Variants in ERBB4 observed in about 807,000 individuals in gnomAD.
ERBB4 encodes receptor tyrosine-protein kinase erbB-4.
A neutral mutation model predicts 158.0 loss-of-function variants in ERBB4; 42 were observed. The ratio of observed to expected loss-of-function variants is 0.27; its 90% confidence interval spans 0.21 to 0.34. The LOEUF is 0.34. Among genes scored for constraint, ERBB4 ranks in the 10% least tolerant of loss-of-function variants. The probability of loss-of-function intolerance (pLI) is 1.00; values close to 1 mark genes in which losing one functional copy is unlikely to be tolerated. For missense variants in ERBB4, 1,333 were observed against 1,624.1 expected (o/e 0.82, Z 3.08); for synonymous variants, 583 against 558.7 (o/e 1.04, Z -0.61).
intron 1 of ERBB4, among the ~76,000 whole-genome samples, chr2:212,280,617 T>C (rs747797451): frequency 3.3e-5 from 5 of 151,718 alleles, no homozygotes; most frequent in Non-Finnish European, 7.4e-5. Flanking sequence ...GTTGCTGTTG[T>C]TGTTGTTTTC....
At chr2:211,434,370 T>C (rs974253545) in intron 20 of ERBB4, among the ~76,000 whole-genome samples, 2 of 152,272 alleles carry the variant, frequency 1.3e-5, no homozygotes, top group South Asian at 4.1e-4. Context: ...TACAACGTCA[T>C]GAATGATATT....
chr2:212,379,098 A>G (rs1228934866), intron 1 of ERBB4, among the ~76,000 whole-genome samples: 1 of 151,822 alleles, frequency 6.6e-6, no homozygotes, highest in Non-Finnish European at 1.5e-5. Flanking sequence ...ATTTTTGTGA[A>G]TTCACAATTA....
intron 3 of ERBB4, among the ~76,000 whole-genome samples, chr2:211,862,351 A>G (rs1367596571): frequency 1.3e-5 from 2 of 152,216 alleles, no homozygotes; most frequent in African/African-American, 4.8e-5. Flanking sequence ...TTATCAGCAG[A>G]AAATAAGAGT....
intron 2 of ERBB4, among the ~76,000 whole-genome samples, chr2:211,969,867 T>C (rs1159671897): frequency 2.6e-5 from 4 of 152,042 alleles, no homozygotes; most frequent in Admixed American, 6.6e-5. Flanking sequence ...ATTTTATGAA[T>C]GTTTTTCATG....
At chr2:212,264,375 T>A (rs1463295209) in intron 1 of ERBB4, among the ~76,000 whole-genome samples, 1 of 152,068 alleles carries the variant, frequency 6.6e-6, no homozygotes, top group East Asian at 1.9e-4. Context: ...CATAGACACA[T>A]CTCATTTCTA....
chr2:212,328,962 A>T (rs2106286791), intron 1 of ERBB4, among the ~76,000 whole-genome samples: 1 of 152,162 alleles, frequency 6.6e-6, no homozygotes, highest in Non-Finnish European at 1.5e-5. Flanking sequence ...GATATTTGAT[A>T]ACTTTTGCCC....
At chr2:212,058,835 T>C (rs1489991738) in intron 2 of ERBB4, among the ~76,000 whole-genome samples, 3 of 152,168 alleles carry the variant, frequency 2.0e-5, no homozygotes, top group African/African-American at 7.2e-5. Flanking sequence ...GCCAATATCA[T>C]ACTGAATGGC....
intron 1 of ERBB4, among the ~76,000 whole-genome samples, chr2:212,214,834 C>A (rs918202918): frequency 6.6e-6 from 1 of 151,610 alleles, no homozygotes; most frequent in African/African-American, 2.4e-5. Flanking sequence ...TTTGTAATAG[C>A]CCCTAAATAG....
At chr2:212,099,391 A>G (rs1317651317) in intron 2 of ERBB4, among the ~76,000 whole-genome samples, 3 of 152,134 alleles carry the variant, frequency 2.0e-5, no homozygotes, top group African/African-American at 7.2e-5. Flanking sequence ...ATTATAATAA[A>G]AAAGTATCTA....
intron 20 of ERBB4, among the ~76,000 whole-genome samples, chr2:211,481,585 T>C (rs1043980644): frequency 6.6e-6 from 1 of 151,952 alleles, no homozygotes; most frequent in Non-Finnish European, 1.5e-5. Flanking sequence ...GCTGTGCTTA[T>C]GAACAAAGGT....
chr2:212,243,776 A>T (rs2084205528), intron 1 of ERBB4, among the ~76,000 whole-genome samples: 1 of 152,156 alleles, frequency 6.6e-6, no homozygotes, highest in African/African-American at 2.4e-5. Flanking sequence ...CATCGATGGA[A>T]TAATAGCTAT....
At chr2:212,308,220 G>T (rs1157359390) in intron 1 of ERBB4, among the ~76,000 whole-genome samples, 1 of 151,078 alleles carries the variant, frequency 6.6e-6, no homozygotes, top group African/African-American at 2.4e-5. Flanking sequence ...AACTGAATCT[G>T]AATTAATATG....
At chr2:211,667,859 G>T (rs1033546731) in intron 14 of ERBB4, among the ~76,000 whole-genome samples, 4 of 152,080 alleles carry the variant, frequency 2.6e-5, no homozygotes, top group African/African-American at 4.8e-5. Context: ...TAAGTATACT[G>T]TAATAAGATA....
intron 25 of ERBB4, among the ~76,000 whole-genome samples, chr2:211,398,138 A>G (rs572112596): frequency 3.9e-5 from 6 of 152,208 alleles, no homozygotes; most frequent in Middle Eastern, 6.8e-3. Flanking sequence ...AATAATATCA[A>G]TAACTTATCC....
intron 1 of ERBB4, among the ~76,000 whole-genome samples, chr2:212,255,868 T>C (rs1008264366): frequency 6.6e-6 from 1 of 152,148 alleles, no homozygotes; most frequent in African/African-American, 2.4e-5. Context: ...TTGCCCAAGG[T>C]GGAGTGCAGT....
chr2:211,508,312 C>T (rs371851945), intron 20 of ERBB4, among the ~76,000 whole-genome samples: 17 of 152,000 alleles, frequency 1.1e-4, no homozygotes, highest in African/African-American at 3.6e-4. Flanking sequence ...AAAAAGTGGG[C>T]GAAGGATATG....
At chr2:212,537,150 C>CGGG (rs71301554) in intron 1 of ERBB4, among the ~76,000 whole-genome samples, 42,243 of 151,090 alleles carry the variant, frequency 0.28, 6,681 homozygotes, top group African/African-American at 0.43. Context: ...GCGGCGGCGG[C>CGGG]GGCGGAGCGG....
At chr2:212,074,352 T>C (rs915944739) in intron 2 of ERBB4, among the ~76,000 whole-genome samples, 1 of 151,968 alleles carries the variant, frequency 6.6e-6, no homozygotes, top group African/African-American at 2.4e-5. Context: ...GATGCACGTA[T>C]GAGTAAGAAC....
intron 3 of ERBB4, among the ~76,000 whole-genome samples, chr2:211,863,717 C>T (rs2078130017): frequency 6.6e-6 from 1 of 152,158 alleles, no homozygotes; most frequent in African/African-American, 2.4e-5. Context: ...TCTTTAAGAG[C>T]TGTAACGCTC....
Sources: gnomAD v4.1 joint callset for allele counts (sites outside exome capture counted in the v4.1 genomes callset) on GRCh38, gnomAD v4.1.1 for gene constraint, MANE v1.5 for transcripts, NCBI Gene and HGNC (gene_info 2026-07-23, HGNC 2026-07-21) for gene names.